The following KCNQ5 variants were observed in gnomAD, a reference collection of about 807,000 sequenced individuals.
KCNQ5 encodes potassium voltage-gated channel subfamily Q member 5, also known as potassium voltage-gated channel subfamily KQT member 5.
KCNQ5 carries 30 observed loss-of-function variants against 98.2 expected under a neutral mutation model. The ratio of observed to expected loss-of-function variants is 0.31; its 90% CI spans 0.23 to 0.41. The LOEUF (loss-of-function observed/expected upper bound fraction) is 0.41, where lower values mean the gene tolerates loss of function less well. Ranked by LOEUF, KCNQ5 falls within the 10% of genes least tolerant of loss-of-function variation. KCNQ5 has a pLI of 1.00. For synonymous variants in KCNQ5, 458 were observed against 449.4 expected (o/e 1.02, Z -0.24); for missense variants, 835 against 1,182.5 (o/e 0.71, Z 4.31).
intron 1 of KCNQ5, among the ~76,000 whole-genome samples, chr6:72,941,944 A>G (rs150186352): frequency 6.8e-4 from 104 of 152,086 alleles, no homozygotes; most frequent in African/African-American, 2.2e-3. Flanking sequence ...AGCAAACACA[A>G]TGTTGTTTTG....
intron 10 of KCNQ5, among the ~76,000 whole-genome samples, chr6:73,146,198 C>A (rs995240157): frequency 6.6e-6 from 1 of 152,210 alleles, no homozygotes; most frequent in African/African-American, 2.4e-5. Context: ...AATCAGATAT[C>A]TCTGAATATG....
At chr6:72,865,841 C>T (rs901833657) in intron 1 of KCNQ5, among the ~76,000 whole-genome samples, 13 of 152,144 alleles carry the variant, frequency 8.5e-5, no homozygotes, top group Non-Finnish European at 1.8e-4. Context: ...GCTTTTAAGT[C>T]CTCAGAATCT....
chr6:72,809,682 C>T (rs1775150185), intron 1 of KCNQ5, among the ~76,000 whole-genome samples: 1 of 152,188 alleles, frequency 6.6e-6, no homozygotes, highest in African/African-American at 2.4e-5. Flanking sequence ...TGGAAATTTG[C>T]ACATAGGGCA....
intron 2 of KCNQ5, among the ~76,000 whole-genome samples, chr6:73,032,285 A>T (rs1309838205): frequency 6.6e-6 from 1 of 152,162 alleles, no homozygotes; most frequent in Non-Finnish European, 1.5e-5. Flanking sequence ...CTCCTGCCTC[A>T]GCCTCCTGAG....
At chr6:72,721,273 T>C (rs78107065) in intron 1 of KCNQ5, among the ~76,000 whole-genome samples, 1,760 of 152,290 alleles carry the variant, frequency 0.012, 29 homozygotes, top group African/African-American at 0.039. Context: ...CCCCTTTATC[T>C]GAAACAGGTA....
intron 1 of KCNQ5, among the ~76,000 whole-genome samples, chr6:72,736,721 G>A (rs1053446113): frequency 4.0e-5 from 6 of 150,696 alleles, no homozygotes; most frequent in South Asian, 2.1e-4. Flanking sequence ...GGATGGTCTC[G>A]ATCTCCTGAC....
At chr6:72,767,458 C>A (rs910353232) in intron 1 of KCNQ5, among the ~76,000 whole-genome samples, 4 of 151,450 alleles carry the variant, frequency 2.6e-5, no homozygotes. Context: ...CACCAAAAAC[C>A]CAGCAATAGA....
intron 10 of KCNQ5, among the ~76,000 whole-genome samples, chr6:73,150,630 G>T (rs1459784417): frequency 1.3e-5 from 2 of 150,698 alleles, no homozygotes; most frequent in Non-Finnish European, 3.0e-5. Flanking sequence ...TAGGCAAAAG[G>T]TTAAACATAT....
At chr6:72,655,220 A>G (rs10943048) in intron 1 of KCNQ5, among the ~76,000 whole-genome samples, 18,308 of 151,522 alleles carry the variant, frequency 0.12, 1,233 homozygotes, top group South Asian at 0.17. Context: ...ATCGTAATGG[A>G]CATATAATCT....
intron 5 of KCNQ5, among the ~76,000 whole-genome samples, chr6:73,087,675 C>CA (rs1260112774): frequency 2.0e-5 from 3 of 151,950 alleles, no homozygotes; most frequent in Non-Finnish European, 4.4e-5. Context: ...AGACTTAGAA[C>CA]AAAACCTTAA....
intron 1 of KCNQ5, among the ~76,000 whole-genome samples, chr6:72,861,151 G>C (rs926541845): frequency 1.3e-5 from 2 of 152,086 alleles, no homozygotes; most frequent in African/African-American, 4.8e-5. Context: ...CTTCAAGGAC[G>C]TGATGAGAAT....
At position 72,893,871 on chromosome 6, in the gene KCNQ5, CT is replaced by C. The variant is rs886119218; in HGVS notation, c.399-110035del. Reference sequence around the variant, plus strand: ...GCTTATTGAAACTATACCAGGGAGGCTTAGCTTTCCCAGGTTATCCTGGGAC... The same window carrying C: ...GCTTATTGAAACTATACCAGGGAGGCTAGCTTTCCCAGGTTATCCTGGGAC... On this transcript the variant is annotated intron_variant, in intron 1 of 13. Transcript: ENST00000370398. Among the ~76,000 whole-genome samples the C allele has an allele frequency of 1.8e-4, 27 of 152,298 alleles. No homozygotes were observed. The East Asian group carries it at 3.1e-3, about 17-fold the overall frequency.
chr6:72,936,145 G>A (rs1051018013), intron 1 of KCNQ5, among the ~76,000 whole-genome samples: 2 of 152,086 alleles, frequency 1.3e-5, no homozygotes, highest in African/African-American at 4.8e-5. Flanking sequence ...CTCAAACTTG[G>A]CACAGCCAAA....
At chr6:72,628,984 C>T (rs1370550270) in intron 1 of KCNQ5, among the ~76,000 whole-genome samples, 3 of 152,098 alleles carry the variant, frequency 2.0e-5, no homozygotes, top group Non-Finnish European at 4.4e-5. Flanking sequence ...CTGTTTATTG[C>T]TTGTCTCTCC....
chr6:72,672,128 T>C (rs1485541749), intron 1 of KCNQ5, among the ~76,000 whole-genome samples: 2 of 150,960 alleles, frequency 1.3e-5, no homozygotes, highest in Non-Finnish European at 3.0e-5. Flanking sequence ...ATTTTTTTTT[T>C]TTTTTTGAGA....
intron 3 of KCNQ5, among the ~76,000 whole-genome samples, chr6:73,063,187 G>GT (rs1772857986): frequency 6.6e-6 from 1 of 152,088 alleles, no homozygotes; most frequent in Non-Finnish European, 1.5e-5. Context: ...AATAAACCTT[G>GT]TTTTTGTTCT....
chr6:73,010,392 A>T (rs1770008822), intron 2 of KCNQ5, among the ~76,000 whole-genome samples: 1 of 152,020 alleles, frequency 6.6e-6, no homozygotes, highest in Admixed American at 6.6e-5. Context: ...CATATGAAAA[A>T]CCTACAGCCA....
At chr6:72,709,771 G>T (rs1184949001) in intron 1 of KCNQ5, among the ~76,000 whole-genome samples, 1 of 152,072 alleles carries the variant, frequency 6.6e-6, no homozygotes, top group African/African-American at 2.4e-5. Flanking sequence ...GGAGAAAACA[G>T]TAAGAATCAA....
intron 1 of KCNQ5, among the ~76,000 whole-genome samples, chr6:72,792,972 A>T (rs1774137983): frequency 6.6e-6 from 1 of 152,198 alleles, no homozygotes. Flanking sequence ...ATAGAATGTA[A>T]TAGAATTACC....
Sources: allele counts gnomAD v4.1 joint callset (sites outside exome capture counted in the v4.1 genomes callset), GRCh38; gene constraint gnomAD v4.1.1; transcripts MANE v1.5; gene names NCBI Gene and HGNC (gene_info 2026-07-23, HGNC 2026-07-21).